CSMD1: variants seen among roughly 807,000 people sequenced by gnomAD.
CSMD1 encodes CUB and Sushi multiple domains 1, also known as CUB and sushi domain-containing protein 1.
CSMD1 carries 213 observed loss-of-function variants against 417.5 expected under a neutral mutation model. The ratio of observed to expected loss-of-function variants is 0.51; its 90% CI spans 0.46 to 0.57. The LOEUF is 0.57. Ranked by LOEUF, CSMD1 falls within the 20% of genes least tolerant of loss-of-function variation. CSMD1 has a pLI of 0.00. For missense variants in CSMD1, 6,923 were observed against 4,529.7 expected, an observed-to-expected ratio of 1.53 and a Z score of -15.17; for synonymous variants, 2,862 against 1,736.8, an observed-to-expected ratio of 1.65 and a Z score of -16.11.
chr8:3,929,093 C>G (rs903385186), intron 5 of CSMD1, among the ~76,000 whole-genome samples: 1 of 150,268 alleles, frequency 6.7e-6, no homozygotes, highest in Non-Finnish European at 1.5e-5. Flanking sequence ...TAAAGAAAGA[C>G]TTGGAGTGAG....
chr8:3,469,025 C>G (rs3802307), intron 11 of CSMD1: 7,617 of 436,512 alleles, frequency 0.017, 339 homozygotes, highest in East Asian at 0.14. Flanking sequence ...AGAAATTACT[C>G]TATTCTATGG....
intron 7 of CSMD1, among the ~76,000 whole-genome samples, chr8:3,657,088 A>G (rs1798148637): frequency 6.6e-6 from 1 of 152,074 alleles, no homozygotes; most frequent in Admixed American, 6.5e-5. Context: ...TCCACTACCG[A>G]GTTGCTGCAC....
At chr8:3,095,566 AT>A (rs1198804358) in intron 47 of CSMD1, among the ~76,000 whole-genome samples, 1 of 152,216 alleles carries the variant, frequency 6.6e-6, no homozygotes, top group African/African-American at 2.4e-5. Context: ...ACATTAATTG[AT>A]TCAGTGATGT....
intron 2 of CSMD1, among the ~76,000 whole-genome samples, chr8:4,583,850 G>A (rs931737496): frequency 5.3e-5 from 8 of 152,084 alleles, no homozygotes; most frequent in African/African-American, 9.7e-5. Context: ...CTTCCACACT[G>A]TGGAAGCTTT....
At chr8:4,549,687 A>C (rs1797780207) in intron 2 of CSMD1, among the ~76,000 whole-genome samples, 1 of 151,864 alleles carries the variant, frequency 6.6e-6, no homozygotes, top group African/African-American at 2.4e-5. Context: ...TCAGGAGTTC[A>C]AGACCAGCCT....
intron 12 of CSMD1, among the ~76,000 whole-genome samples, chr8:3,410,807 T>C (rs918914640): frequency 2.6e-5 from 4 of 152,166 alleles, no homozygotes; most frequent in Admixed American, 6.5e-5. Flanking sequence ...GATGTGATCA[T>C]AGCTCACTGC....
chr8:4,684,855 C>G (rs1291727931), intron 1 of CSMD1, among the ~76,000 whole-genome samples: 1 of 152,078 alleles, frequency 6.6e-6, no homozygotes, highest in African/African-American at 2.4e-5. Context: ...ATAGACAAAC[C>G]TGTGCTACTC....
intron 1 of CSMD1, among the ~76,000 whole-genome samples, chr8:4,963,173 T>A (rs17071931): frequency 0.19 from 29,568 of 152,062 alleles, 3,161 homozygotes; most frequent in African/African-American, 0.25. Context: ...GTAAATCAGC[T>A]GTAATCCCTT....
At chr8:3,800,019 T>C (rs990416797) in intron 5 of CSMD1, among the ~76,000 whole-genome samples, 2 of 152,206 alleles carry the variant, frequency 1.3e-5, no homozygotes, top group Non-Finnish European at 2.9e-5. Flanking sequence ...GTAAAATCAC[T>C]TGACTTTTGA....
chr8:4,164,762 G>C (rs1342073415), intron 3 of CSMD1, among the ~76,000 whole-genome samples: 2 of 151,984 alleles, frequency 1.3e-5, no homozygotes, highest in Non-Finnish European at 2.9e-5. Flanking sequence ...TGTAGTCCTA[G>C]CTACCTGGGA....
At chr8:4,404,545 A>G (rs1475750306) in intron 3 of CSMD1, among the ~76,000 whole-genome samples, 1 of 152,196 alleles carries the variant, frequency 6.6e-6, no homozygotes, top group Non-Finnish European at 1.5e-5. Context: ...GTGATGTTTA[A>G]TATTAAATAT....
At chr8:4,425,417 A>G (rs911212123) in intron 2 of CSMD1, among the ~76,000 whole-genome samples, 1 of 151,620 alleles carries the variant, frequency 6.6e-6, no homozygotes, top group African/African-American at 2.4e-5. Context: ...ACATTAGTTG[A>G]CAGGGATGCG....
intron 5 of CSMD1, among the ~76,000 whole-genome samples, chr8:3,854,606 C>T (rs925030365): frequency 3.9e-5 from 6 of 151,950 alleles, no homozygotes; most frequent in Non-Finnish European, 8.8e-5. Flanking sequence ...AAGGAGATTC[C>T]TAAATCTGGT....
chr8:4,647,087 A>G (rs986750637), intron 1 of CSMD1, among the ~76,000 whole-genome samples: 7 of 152,196 alleles, frequency 4.6e-5, no homozygotes, highest in African/African-American at 1.4e-4. Context: ...GGGGTGTTTT[A>G]TAAGTTTAAT....
At chr8:4,810,238 G>C (rs968323127) in intron 1 of CSMD1, among the ~76,000 whole-genome samples, 9 of 152,118 alleles carry the variant, frequency 5.9e-5, no homozygotes, top group Admixed American at 4.6e-4. Flanking sequence ...AATGGATGCA[G>C]ATTTTTCATT....
chr8:2,986,035 T>G (rs1805876338), intron 54 of CSMD1, among the ~76,000 whole-genome samples: 1 of 141,134 alleles, frequency 7.1e-6, no homozygotes, highest in African/African-American at 2.9e-5. Context: ...GAAAACCGTC[T>G]CCATAGAAGA....
At chr8:3,255,233 T>C (rs1228641826) in intron 26 of CSMD1, among the ~76,000 whole-genome samples, 1 of 151,920 alleles carries the variant, frequency 6.6e-6, no homozygotes, top group African/African-American at 2.4e-5. Context: ...CTCTGGAAGT[T>C]TTTCTCAGGG....
chr8:4,076,639 G>T lies in CSMD1; in HGVS notation c.416-44540C>A, dbSNP rs139114833. Among the ~76,000 whole-genome samples the T allele has an allele frequency of 1.0e-3, 156 of 152,166 alleles. 1 individual carries two copies. The highest frequency in any genetic ancestry group is 6.8e-3 in the Middle Eastern group (2 of 294). On this transcript the variant is annotated intron_variant, in intron 3 of 69. Transcript: ENST00000635120. ...AGTTGCCTGTTACCTTTATTATAAG[G>T]ATTATTCTCTAACAAGGCCTTATGC...
Position 3,524,060 on chromosome 8 carries a change from CAT to C in CSMD1, c.1345-30336_1345-30335del, listed in dbSNP as rs1563120546. On this transcript the variant is annotated intron_variant, in intron 10 of 69. Coordinates refer to ENST00000635120, the MANE Select transcript of CSMD1 (RefSeq NM_033225.6). ...GCACACCCAGAGACACGTGCACACA[CAT>C]GCACACACTTACACATGCACACACG... 2.3e-4 allele frequency among the ~76,000 whole-genome samples: 30 copies of C among 132,924 alleles called. No homozygotes were observed. In the South Asian group the frequency reaches 6.8e-3, roughly 30 times the overall value. The allele number at this position is 132,924 out of a possible 152,430, so 87.2% of individuals were successfully genotyped here.
Sources: gnomAD v4.1 joint callset for allele counts (sites outside exome capture counted in the v4.1 genomes callset) on GRCh38, gnomAD v4.1.1 for gene constraint, MANE v1.5 for transcripts, NCBI Gene and HGNC (gene_info 2026-07-23, HGNC 2026-07-21) for gene names.